The following ASPH variants were observed in gnomAD, a reference collection of about 807,000 sequenced individuals.
The protein encoded by ASPH is aspartate beta-hydroxylase.
Under a neutral mutation model 118.4 loss-of-function variants are expected in ASPH, and 100 were observed. The ratio of observed to expected loss-of-function variants is 0.84; its 90% confidence interval spans 0.72 to 1.00. The LOEUF (loss-of-function observed/expected upper bound fraction) is 1.00, where lower values mean the gene tolerates loss of function less well. ASPH is among the 50% of genes least tolerant of loss of function. The pLI, the probability that ASPH is intolerant of heterozygous loss-of-function variation, is 0.00. For missense variants in ASPH, 920 were observed against 919.5 expected (o/e 1.00, Z -0.01); for synonymous variants, 315 against 325.6 (o/e 0.97, Z 0.35).
chr8:61,534,326 T>A (rs1304933514), intron 21 of ASPH, among the ~76,000 whole-genome samples: 1 of 152,178 alleles, frequency 6.6e-6, no homozygotes, highest in Non-Finnish European at 1.5e-5. Flanking sequence ...ACTAGTCAAA[T>A]CTTGTAATAT....
intron 1 of ASPH, among the ~76,000 whole-genome samples, chr8:61,699,059 G>A (rs1356196961): frequency 6.6e-6 from 1 of 152,214 alleles, no homozygotes; most frequent in South Asian, 2.1e-4. Flanking sequence ...CCAAGTGGGC[G>A]CTGGGACATG....
chr8:61,647,447 G>T (rs1563370517), intron 5 of ASPH, among the ~76,000 whole-genome samples: 1 of 152,110 alleles, frequency 6.6e-6, no homozygotes, highest in Non-Finnish European at 1.5e-5. Context: ...GAGGCAGGCA[G>T]ATCACTTGAG....
chr8:61,693,958 G>A (rs1025280302), intron 1 of ASPH, among the ~76,000 whole-genome samples: 1 of 152,134 alleles, frequency 6.6e-6, no homozygotes, highest in Non-Finnish European at 1.5e-5. Context: ...CTGGGCTCAC[G>A]GAATCAAGAT....
At chr8:61,669,683 T>A (rs1211011725) in intron 3 of ASPH, among the ~76,000 whole-genome samples, 5 of 152,144 alleles carry the variant, frequency 3.3e-5, no homozygotes, top group Non-Finnish European at 7.4e-5. Flanking sequence ...CATAAAACAT[T>A]AAAATATACT....
chr8:61,651,010 T>C (rs747885570), intron 5 of ASPH, 40 bp downstream of exon 5: 5 of 1,554,594 alleles, frequency 3.2e-6, no homozygotes, highest in South Asian at 1.2e-5. Context: ...CTAAGCGTTA[T>C]TTTAGTAACT....
intron 13 of ASPH, chr8:61,632,533 G>A: frequency 4.3e-6 from 1 of 233,480 alleles, no homozygotes; most frequent in South Asian, 5.3e-5. Flanking sequence ...AGCTGCCCTT[G>A]CCCTGTCCAA....
chr8:61,708,626 G>A (rs1448226872), intron 1 of ASPH, among the ~76,000 whole-genome samples: 1 of 152,120 alleles, frequency 6.6e-6, no homozygotes, highest in Non-Finnish European at 1.5e-5. Flanking sequence ...GGTAGAAATG[G>A]CTGTCAAACC....
chr8:61,583,095 C>T (rs1838093458), intron 15 of ASPH: 1 of 151,896 alleles, frequency 6.6e-6, no homozygotes, highest in East Asian at 1.9e-4. Flanking sequence ...AAATAAGGTA[C>T]CCTGAAAACT....
chr8:61,645,411 T>C (rs77412306), intron 6 of ASPH, among the ~76,000 whole-genome samples: 2,199 of 152,300 alleles, frequency 0.014, 25 homozygotes, highest in Non-Finnish European at 0.023. Context: ...AGCATGTAGA[T>C]AGAAAAATTC....
chr8:61,503,844 G>A (rs1316189687), intron 24 of ASPH, among the ~76,000 whole-genome samples: 1 of 152,204 alleles, frequency 6.6e-6, no homozygotes, highest in Non-Finnish European at 1.5e-5. Context: ...CATATGGGCA[G>A]TGACTGGGTC....
chr8:61,592,490 C>T lies in ASPH; in HGVS notation c.977-8461G>A, dbSNP rs1330522902. On this transcript the variant is annotated intron_variant, in intron 14 of 24. Transcript: ENST00000379454. ...TTGAGGCCATGCTAAACTTCCCCTG[C>T]TTCCCAAACTCTAGTATGTGTTTTT... 2.0e-5 allele frequency among the ~76,000 whole-genome samples: 3 copies of T among 152,296 alleles called. No individual in the cohort carries two copies. The East Asian group carries it at 5.8e-4, about 29-fold the overall frequency.
chr8:61,544,198 C>A (rs1822982533), intron 21 of ASPH, among the ~76,000 whole-genome samples: 2 of 152,180 alleles, frequency 1.3e-5, no homozygotes, highest in South Asian at 4.1e-4. Flanking sequence ...ATTACCACCC[C>A]ACAAACCCTG....
intron 3 of ASPH, among the ~76,000 whole-genome samples, chr8:61,662,416 T>G (rs916346624): frequency 6.6e-6 from 1 of 152,168 alleles, no homozygotes. Context: ...TGTGAATTTT[T>G]TGTCCCGTTG....
At chr8:61,530,374 C>T (rs1817115108) in intron 21 of ASPH, among the ~76,000 whole-genome samples, 2 of 152,200 alleles carry the variant, frequency 1.3e-5, no homozygotes, top group Non-Finnish European at 2.9e-5. Context: ...AAAGCCATCT[C>T]AGCATGTGCC....
At chr8:61,668,159 A>T in intron 3 of ASPH, 1 of 1,429,232 alleles carries the variant, frequency 7.0e-7, no homozygotes, top group Non-Finnish European at 9.8e-7. Context: ...CAATATTAAC[A>T]TTCCCAGAAA....
chr8:61,693,064 T>C (rs1470321641), intron 1 of ASPH, among the ~76,000 whole-genome samples: 1 of 152,090 alleles, frequency 6.6e-6, no homozygotes, highest in African/African-American at 2.4e-5. Context: ...ATTGCTGTCA[T>C]CCACCACCTC....
At chr8:61,567,437 G>T in intron 16 of ASPH, 119 bp from the exon 17 acceptor site, 2 of 1,096,916 alleles carry the variant, frequency 1.8e-6, no homozygotes, top group Non-Finnish European at 1.3e-6. Flanking sequence ...AGACACGTTA[G>T]CCTTTTCTCC....
intron 3 of ASPH, chr8:61,664,561 T>C (rs1818523879): frequency 1.0e-6 from 1 of 984,960 alleles, no homozygotes; most frequent in Non-Finnish European, 1.2e-6. Flanking sequence ...GAGGTTGTTG[T>C]AGGGAGGTCA....
At position 61,500,824 on chromosome 8, in the gene ASPH, C is replaced by CATT. The variant is rs1804741814; in HGVS notation, c.*2532_*2534dup. ...TAATGGGCAGTAAAATATGATTTTA[C>CATT]ATTATTTTAAATATTTGGGAGAGTT... On this transcript the variant is annotated 3_prime_UTR_variant, in exon 25 of 25. Coordinates refer to ENST00000379454, the MANE Select transcript of ASPH (RefSeq NM_004318.4). 6.6e-6 allele frequency: 1 copy of CATT among 152,078 alleles called. No individual in the cohort carries two copies. The highest frequency in any genetic ancestry group is 1.5e-5 in the Non-Finnish European group (1 of 68,010). 9.4% of individuals were successfully genotyped at this position (152,078 alleles called of 1,614,324 possible).
Sources: allele counts gnomAD v4.1 joint callset (sites outside exome capture counted in the v4.1 genomes callset), GRCh38; gene constraint gnomAD v4.1.1; transcripts MANE v1.5; gene names NCBI Gene and HGNC (gene_info 2026-07-23, HGNC 2026-07-21).